The following CUX1 variants were observed in gnomAD, a reference collection of about 807,000 sequenced individuals.
CUX1 encodes the protein cut like homeobox 1.
In CUX1, 31 loss-of-function variants were observed where a neutral mutation model predicts 158.8. The observed-to-expected ratio is 0.20, with a 90% CI of 0.15 to 0.26. The LOEUF is 0.26. Among genes scored for constraint, CUX1 ranks in the 10% least tolerant of loss-of-function variants. The pLI is 1.00. For missense variants in CUX1, 1,589 were observed against 2,014.6 expected (o/e 0.79, Z 4.04); for synonymous variants, 879 against 862.1 (o/e 1.02, Z -0.34).
rs573420133 is a variant in CUX1 at position 102,239,381 on chromosome 7, C to T, written c.3684C>T (p.Val1228=). 74 of 1,612,950 alleles carry T rather than the reference C, an allele frequency of 4.6e-5. No individual in the cohort carries two copies. The East Asian group carries it at 1.2e-3, about 27-fold the overall frequency. ...SDSQPCEPPS[V]GTEYSQGASP... The stretch of plus-strand genomic sequence containing the variant: ...GCCAGCCCTGCGAACCGCCCTCTGT[C>T]GGCACCGAGTACAGCCAGGGCGCCA... The change falls in exon 23 of 24, where the codon GTC becomes GTT. Residue 1228 remains valine, a synonymous_variant. Coordinates refer to ENST00000292535, the MANE Select transcript of CUX1 (RefSeq NM_181552.4).
intron 1 of CUX1, among the ~76,000 whole-genome samples, chr7:101,861,332 C>G (rs1251043904): frequency 6.6e-6 from 1 of 152,176 alleles, no homozygotes; most frequent in Non-Finnish European, 1.5e-5. Flanking sequence ...AGTTGATTCT[C>G]TAAAGAACAG....
At chr7:102,027,954 G>A in intron 2 of CUX1, 144 bp from the exon 3 acceptor site, 2 of 696,628 alleles carry the variant, frequency 2.9e-6, no homozygotes, top group East Asian at 2.7e-5. Context: ...TTTTAGGAGT[G>A]CAGGAATGGG....
intron 9 of CUX1, among the ~76,000 whole-genome samples, chr7:102,158,887 C>A (rs1239730746): frequency 6.6e-6 from 1 of 152,256 alleles, no homozygotes; most frequent in Non-Finnish European, 1.5e-5. Context: ...CTTTTCCCTA[C>A]TCCATCTCTA....
chr7:102,272,131 T>C (rs1042006805), intron 14 of CUX1, among the ~76,000 whole-genome samples: 9 of 152,212 alleles, frequency 5.9e-5, no homozygotes, highest in African/African-American at 1.7e-4. Flanking sequence ...TGGTCCCAGG[T>C]CGGGAAGCCT....
At chr7:102,050,387 G>C (rs1477858310) in intron 3 of CUX1, among the ~76,000 whole-genome samples, 4 of 152,110 alleles carry the variant, frequency 2.6e-5, no homozygotes, top group Admixed American at 2.0e-4. Flanking sequence ...TAGTCCCCAG[G>C]ATTTAACCTT....
At chr7:101,816,119 G>A (rs747988853), upstream of CUX1, 3 of 1,302,498 alleles carry the variant, frequency 2.3e-6, no homozygotes, top group Non-Finnish European at 2.0e-6. Context: ...GCTCGGCCTC[G>A]CGCCCGGGGG....
In CUX1 at chr7:102,158,552, C is replaced by T; in HGVS notation, c.675-8C>T. The T allele has an allele frequency of 6.2e-7, 1 of 1,613,966 alleles. No homozygotes were observed. Reference sequence around the variant, plus strand: ...GACTAACCTGCTCTCTCCCTCTCACCCTCCTAGGGCCGACGAGATTGAAAT... The same window carrying T: ...GACTAACCTGCTCTCTCCCTCTCACTCTCCTAGGGCCGACGAGATTGAAAT... On this transcript the variant is annotated splice_region_variant and splice_polypyrimidine_tract_variant and intron_variant, in intron 8 of 23. Transcript: ENST00000292535.
At chr7:102,146,849 T>C (rs1554502202) in intron 8 of CUX1, among the ~76,000 whole-genome samples, 12 of 152,142 alleles carry the variant, frequency 7.9e-5, no homozygotes, top group Non-Finnish European at 1.5e-5. Flanking sequence ...CCACCCACCT[T>C]AGCTTCCCAA....
At chr7:101,896,497 C>CT (rs1343487777) in intron 1 of CUX1, among the ~76,000 whole-genome samples, 1 of 152,184 alleles carries the variant, frequency 6.6e-6, no homozygotes, top group Non-Finnish European at 1.5e-5. Context: ...AGCTCTGCTC[C>CT]TCAGGGGAAA....
intron 2 of CUX1, among the ~76,000 whole-genome samples, chr7:101,953,349 C>T (rs1259362437): frequency 6.6e-6 from 1 of 152,164 alleles, no homozygotes; most frequent in Admixed American, 6.6e-5. Context: ...CATTCCCGGC[C>T]CTCATAATTG....
At chr7:102,064,046 C>G (rs756217693) in intron 3 of CUX1, among the ~76,000 whole-genome samples, 5 of 152,168 alleles carry the variant, frequency 3.3e-5, no homozygotes, top group Non-Finnish European at 7.3e-5. Flanking sequence ...CTCATGTGTT[C>G]TGGGAACTGG....
At chr7:101,912,282 C>A (rs1326773274) in intron 1 of CUX1, among the ~76,000 whole-genome samples, 1 of 146,134 alleles carries the variant, frequency 6.8e-6, no homozygotes, top group Non-Finnish European at 1.5e-5. Flanking sequence ...CTGAGACTGG[C>A]CAGTGGGCAG....
chr7:101,943,395 C>T lies in CUX1; in HGVS notation c.141+27170C>T, dbSNP rs183962502. 3.6e-3 allele frequency among the ~76,000 whole-genome samples: 542 copies of T among 152,180 alleles called. 12 individuals are homozygous for T. Among genetic ancestry groups the T allele is most frequent in the Admixed American group, 0.03 (455 of 15,278 alleles). ...GTTCTGGGATTACAGGTGTGAGCCA[C>T]TGCACCCGGCCTCTGGTCAGTGCTT... On this transcript the variant is annotated intron_variant, in intron 2 of 23. Transcript: ENST00000292535.
At chr7:101,953,113 C>A (rs986039069) in intron 2 of CUX1, among the ~76,000 whole-genome samples, 1 of 152,188 alleles carries the variant, frequency 6.6e-6, no homozygotes, top group African/African-American at 2.4e-5. Context: ...GCTGGGGTTC[C>A]TGATTCTCTG....
intron 11 of CUX1, among the ~76,000 whole-genome samples, chr7:102,183,164 G>C (rs1554514485): frequency 6.6e-6 from 1 of 152,062 alleles, no homozygotes; most frequent in Non-Finnish European, 1.5e-5. Flanking sequence ...GAGCCCAGGA[G>C]TTCAAGACCA....
chr7:102,105,194 C>G (rs1554488063), intron 6 of CUX1, among the ~76,000 whole-genome samples: 1 of 151,854 alleles, frequency 6.6e-6, no homozygotes, highest in East Asian at 1.9e-4. Flanking sequence ...CACACACACA[C>G]ACACACACAC....
At chr7:102,057,988 C>T (rs924852727) in intron 3 of CUX1, among the ~76,000 whole-genome samples, 19 of 152,170 alleles carry the variant, frequency 1.2e-4, no homozygotes, top group African/African-American at 4.6e-4. Context: ...AACAAATTGC[C>T]ACAGTCACCC....
intron 2 of CUX1, among the ~76,000 whole-genome samples, chr7:101,975,609 T>C (rs1812568819): frequency 6.6e-6 from 1 of 152,098 alleles, no homozygotes; most frequent in South Asian, 2.1e-4. Context: ...CAGTGAGGCA[T>C]GGGAGTGTTC....
intron 10 of CUX1, among the ~76,000 whole-genome samples, chr7:102,174,075 C>T (rs1254036615): frequency 1.3e-5 from 2 of 152,092 alleles, no homozygotes; most frequent in Non-Finnish European, 2.9e-5. Context: ...GAGTGAGCTG[C>T]TGGCCCAAGT....
Sources: allele counts gnomAD v4.1 joint callset (sites outside exome capture counted in the v4.1 genomes callset), GRCh38; gene constraint gnomAD v4.1.1; transcripts MANE v1.5; gene names NCBI Gene and HGNC (gene_info 2026-07-23, HGNC 2026-07-21).